The following TRIM6 variants were observed in gnomAD, a reference collection of about 807,000 sequenced individuals.
TRIM6 encodes the protein tripartite motif containing 6, also known as tripartite motif-containing protein 6.
A neutral mutation model predicts 51.2 loss-of-function variants in TRIM6; 43 were observed. That is an observed-to-expected ratio of 0.84 (90% CI 0.66 to 1.08). TRIM6 has a LOEUF of 1.08. Ranked by LOEUF, TRIM6 falls within the 50% of genes least tolerant of loss-of-function variation. The pLI, the probability that TRIM6 is intolerant of heterozygous loss-of-function variation, is 0.00. For missense variants in TRIM6, 669 were observed against 619.0 expected, an observed-to-expected ratio of 1.08 and a Z score of -0.86; for synonymous variants, 215 against 232.4, an observed-to-expected ratio of 0.93 and a Z score of 0.68.
intron 2 of TRIM6, among the ~76,000 whole-genome samples, chr11:5,604,163 TGTGTGTGTGTGTGC>T (rs980917486): frequency 2.1e-5 from 3 of 142,600 alleles, no homozygotes; most frequent in South Asian, 2.2e-4. Context: ...CCCAGCTAAT[TGTGTGTGTGTGTGC>T]GTGTGTGTGT....
intron 3 of TRIM6, 33 bp downstream of exon 3, chr11:5,604,662 G>GC (rs1198893303): frequency 8.7e-6 from 14 of 1,601,554 alleles, no homozygotes; most frequent in Non-Finnish European, 1.2e-5. Context: ...ATGTCCTGGG[G>GC]CAGGAATCAT....
chr11:5,596,623 G>T, upstream of TRIM6: 1 of 327,456 alleles, frequency 3.1e-6, no homozygotes, highest in Non-Finnish European at 5.5e-6. Context: ...ACCCCAGGCG[G>T]CCCGACTCCT....
rs533845300 is a variant in TRIM6, at chr11:5,611,014, T to G, written c.1223T>G (p.Phe408Cys). ...TGCAGCAATTCACTGGGACCTACAT[T>G]CTCTTTCAACCATTTTGCTCAAAAT... ...GVCSNSLGPT[F>C]SFNHFAQNHS... Residue 408 changes from phenylalanine to cysteine, a missense_variant, in exon 8 of 8, where the codon TTC becomes TGC. Coordinates refer to ENST00000380097, the MANE Select transcript of TRIM6 (RefSeq NM_001003818.3). 1.4e-5 allele frequency: 22 copies of G among 1,614,114 alleles called. No individual in the cohort carries two copies. In the African/African-American group the frequency reaches 2.9e-4, roughly 22 times the overall value.
Position 5,603,300 on chromosome 11 carries a change from G to T in TRIM6, c.72G>T (p.Arg24Ser). 1 of 1,614,124 alleles carries T rather than the reference G, an allele frequency of 6.2e-7. No homozygotes were observed. Residue 24 changes from arginine (R) to serine (S), a missense_variant, in exon 2 of 8, where the codon AGG becomes AGT. By Grantham distance (110) the Arg-to-Ser change is moderately radical (BLOSUM62 -1). Transcript: ENST00000380097. Reference sequence around the variant, plus strand: ...TCAGGGTTGGGCAGGCAGGAGCCAGGAGAGTAGCTACAATGACTTCACCAG... The same window carrying T: ...TCAGGGTTGGGCAGGCAGGAGCCAGTAGAGTAGCTACAATGACTTCACCAG... ...LEIRVGQAGA[R>S]RVATMTSPVL...
In TRIM6 at chr11:5,596,829, A is replaced by G. The variant is rs1847494627; in HGVS notation, c.-69A>G. On this transcript the variant is annotated 5_prime_UTR_variant, in exon 1 of 8. Transcript: ENST00000380097. ...TTAAGATTAGTTTAAGGTGCCTTGG[A>G]TTGCTCTGAAGAGCTTTGACCACCT... 1.9e-6 allele frequency: 3 copies of G among 1,612,698 alleles called. No individual in the cohort carries two copies. Among genetic ancestry groups the G allele is most frequent in the Non-Finnish European group, 8.5e-7 (1 of 1,179,390 alleles).
chr11:5,602,422 G>A (rs754814762), intron 1 of TRIM6, among the ~76,000 whole-genome samples: 4 of 151,700 alleles, frequency 2.6e-5, no homozygotes, highest in African/African-American at 4.8e-5. Context: ...CAGCCTGGGC[G>A]ACAGAGCAAG....
Position 5,596,901 on chromosome 11 carries a change from T to G in TRIM6, c.4T>G (p.Cys2Gly). The G allele has an allele frequency of 6.2e-7, 1 of 1,614,076 alleles. No individual in the cohort carries two copies. The highest frequency in any genetic ancestry group is 2.2e-5 in the East Asian group (1 of 44,862). M[C>G]GSERILQAGN... is the part of the protein sequence containing the mutation. ...TTCTTGGCTTCTCATTCCCCAGATG[T>G]GCGGGTCAGAGAGGTATGTCTACCG... The change falls in exon 1 of 8, where the codon TGC becomes GGC. Residue 2 changes from cysteine (C) to glycine (G), a missense_variant. Cys to Gly is a radical substitution (Grantham distance 159). Transcript: ENST00000380097.
intron 5 of TRIM6, among the ~76,000 whole-genome samples, chr11:5,609,092 C>T (rs932814906): frequency 6.6e-6 from 1 of 151,984 alleles, no homozygotes. Flanking sequence ...AACGTAAACC[C>T]GAGCTCTGGA....
chr11:5,603,786 T>G, intron 2 of TRIM6, 51 bp downstream of exon 2: 1 of 1,589,680 alleles, frequency 6.3e-7, no homozygotes, highest in South Asian at 1.2e-5. Context: ...CTTTGGCAGG[T>G]TTTAACGTTT....
rs141052639 is a variant in TRIM6 at position 5,605,493 on chromosome 11, C to T, written c.760C>T (p.Gln254Ter). The T allele has an allele frequency of 1.2e-5, 20 of 1,614,030 alleles. No homozygotes were observed. In the African/African-American group the frequency reaches 2.5e-4, roughly 20 times the overall value. Residue 254 changes from glutamine (Q) to a stop codon, truncating the protein, a stop_gained, in exon 4 of 8, where the codon CAG becomes TAG. Coordinates refer to ENST00000380097, the MANE Select transcript of TRIM6 (RefSeq NM_001003818.3). LOFTEE classifies it high-confidence loss of function. ...IEEAENDLVH[Q>*]TQSLRELISD... ...AGAGGCTGAGAATGATCTGGTCCAC[C>T]AGACCCAGTCGCTGCGAGAGCTCAT...
At chr11:5,602,877 C>G (rs1024113578) in intron 1 of TRIM6, among the ~76,000 whole-genome samples, 3 of 152,088 alleles carry the variant, frequency 2.0e-5, no homozygotes, top group African/African-American at 7.2e-5. Flanking sequence ...TTGCTTGAAC[C>G]TGGGAGGCGG....
At chr11:5,597,778 G>A (rs2001778) in intron 1 of TRIM6, among the ~76,000 whole-genome samples, 75,435 of 151,928 alleles carry the variant, frequency 0.5, 19,147 homozygotes, top group Middle Eastern at 0.71. Context: ...AAGATGCTTC[G>A]TATCTAAATA....
At chr11:5,602,927 C>T (rs1346947626) in intron 1 of TRIM6, among the ~76,000 whole-genome samples, 1 of 152,098 alleles carries the variant, frequency 6.6e-6, no homozygotes, top group African/African-American at 2.4e-5. Flanking sequence ...GCATTCCAGC[C>T]TGGGTGACAG....
intron 7 of TRIM6, 107 bp from the exon 8 acceptor site, chr11:5,610,670 C>T (rs1564871393): frequency 3.2e-6 from 5 of 1,566,856 alleles, no homozygotes; most frequent in East Asian, 2.2e-5. Context: ...CCCCCATCCC[C>T]GCCATATAGT....
upstream of TRIM6, among the ~76,000 whole-genome samples, chr11:5,596,399 CTA>C (rs58295267): frequency 0.97 from 146,522 of 151,236 alleles, 71,143 homozygotes; most frequent in Middle Eastern, 1. Context: ...AACCTCTATT[CTA>C]CAAGCTGAAG....
rs1162562148 is a variant in TRIM6, at chr11:5,612,617, G to C, written c.*1275G>C. ...TTATGCGCAGGAACAAACAGCTGTTGAGTGAGCTGCTATGACTTTGGTAGA... is the reference window on the plus strand; with the variant it reads ...TTATGCGCAGGAACAAACAGCTGTTCAGTGAGCTGCTATGACTTTGGTAGA... On this transcript the variant is annotated 3_prime_UTR_variant, in exon 8 of 8. Transcript: ENST00000380097. 1 of 152,222 alleles carries C rather than the reference G, an allele frequency of 6.6e-6. No individual in the cohort carries two copies. The highest frequency in any genetic ancestry group is 2.4e-5 in the African/African-American group (1 of 41,458). 9.4% of individuals were successfully genotyped at this position (152,222 alleles called of 1,614,324 possible).
In TRIM6 at chr11:5,604,626, G is replaced by GA; in HGVS notation, c.602dup (p.Asn202GlufsTer6). 6.2e-7 allele frequency: 1 copy of GA among 1,610,810 alleles called. No homozygotes were observed. The highest frequency in any genetic ancestry group is 8.5e-7 in the Non-Finnish European group (1 of 1,178,796). On this transcript the variant is annotated frameshift_variant, in exon 3 of 8. Transcript: ENST00000380097. LOFTEE classifies it high-confidence loss of function. ...TTATCAGAGAGAAGAAAACATCCTG[G>GA]AAGGCAAGGGAGACTTTTTCTGAAG...
chr11:5,610,470 A>C, intron 6 of TRIM6, 65 bp from the exon 7 acceptor site: 1 of 1,612,824 alleles, frequency 6.2e-7, no homozygotes, highest in South Asian at 1.1e-5. Flanking sequence ...TGTAGTAAGG[A>C]GAGAGATACC....
At position 5,610,406 on chromosome 11, in the gene TRIM6, G is replaced by A. The variant is rs540243747; in HGVS notation, c.959-129G>A. On this transcript the variant is annotated intron_variant, in intron 6 of 7. Transcript: ENST00000380097. ...AAGAAGATGCGGTTTGTATTTAAGG[G>A]GAGATGAAATGGCCAGGTGACATCC... 165 of 1,580,792 alleles carry A rather than the reference G, an allele frequency of 1.0e-4. 2 individuals carry two copies. In the South Asian group the frequency reaches 1.7e-3, roughly 16 times the overall value.
Sources: gnomAD v4.1 joint callset for allele counts (sites outside exome capture counted in the v4.1 genomes callset) on GRCh38, gnomAD v4.1.1 for gene constraint, MANE v1.5 for transcripts, NCBI Gene and HGNC (gene_info 2026-07-23, HGNC 2026-07-21) for gene names.